Variants in CACNA1C observed in about 807,000 individuals in gnomAD.
The protein encoded by CACNA1C is calcium voltage-gated channel subunit alpha1 C.
Under a neutral mutation model 229.0 loss-of-function variants are expected in CACNA1C, and 30 were observed. The ratio of observed to expected loss-of-function variants is 0.13; its 90% CI spans 0.10 to 0.18. The LOEUF is 0.18. Ranked by LOEUF, CACNA1C falls within the 10% of genes least tolerant of loss-of-function variation. The pLI, the probability that CACNA1C is intolerant of heterozygous loss-of-function variation, is 1.00. For synonymous variants in CACNA1C, 1,114 were observed against 1,132.5 expected (o/e 0.98, Z 0.33); for missense variants, 1,658 against 2,845.0 (o/e 0.58, Z 9.49).
At chr12:1,979,558 C>T (rs545464921) in intron 1 of CACNA1C, among the ~76,000 whole-genome samples, 69 of 152,030 alleles carry the variant, frequency 4.5e-4, no homozygotes, top group South Asian at 6.3e-4. Flanking sequence ...GTGATCCGCC[C>T]GCCTCAGCCT....
rs945342730 is a variant in CACNA1C, at chr12:2,287,482, A to G, written c.478-161494A>G. 6.6e-6 allele frequency among the ~76,000 whole-genome samples: 1 copy of G among 152,206 alleles called. No individual in the cohort carries two copies. The highest frequency in any genetic ancestry group is 2.4e-5 in the African/African-American group (1 of 41,452). The stretch of plus-strand genomic sequence containing the variant: ...AGATCAGGGCCCGAAGAGCAGTTTC[A>G]GCCTGCGTGGTCTTGATGTGGTCTT... On this transcript the variant is annotated intron_variant, in intron 3 of 46. Transcript: ENST00000399655. This position sits in a 1 kb window ranked among gnomAD's most constrained non-coding sequence, Gnocchi z 4.6.
At chr12:2,140,462 G>A (rs1476690754) in intron 3 of CACNA1C, among the ~76,000 whole-genome samples, 1 of 151,354 alleles carries the variant, frequency 6.6e-6, no homozygotes, top group Non-Finnish European at 1.5e-5. Context: ...TAGGGATTCT[G>A]GCAAGGTGTG....
intron 1 of CACNA1C, among the ~76,000 whole-genome samples, chr12:2,062,836 C>G (rs2057992596): frequency 6.6e-6 from 1 of 152,216 alleles, no homozygotes; most frequent in African/African-American, 2.4e-5. Flanking sequence ...TAGACACTCT[C>G]CATTCTCAAA....
intron 3 of CACNA1C, among the ~76,000 whole-genome samples, chr12:2,244,149 G>C (rs961328258): frequency 2.6e-5 from 4 of 152,222 alleles, no homozygotes; most frequent in Non-Finnish European, 5.9e-5. Flanking sequence ...TCATCTATCT[G>C]TTTCAGGGCC....
chr12:2,198,682 G>A (rs2154313995), intron 3 of CACNA1C, among the ~76,000 whole-genome samples: 1 of 152,306 alleles, frequency 6.6e-6, no homozygotes, highest in East Asian at 1.9e-4. Flanking sequence ...AGCAGGCAGA[G>A]GTGGGAGGTG....
intron 1 of CACNA1C, among the ~76,000 whole-genome samples, chr12:1,996,234 A>G (rs1311917754): frequency 2.0e-5 from 3 of 152,056 alleles, no homozygotes; most frequent in Non-Finnish European, 4.4e-5. Flanking sequence ...CATTTTCTCT[A>G]TTACTCTCCT....
intron 9 of CACNA1C, among the ~76,000 whole-genome samples, chr12:2,528,709 G>A (rs2099833479): frequency 6.6e-6 from 1 of 152,228 alleles, no homozygotes; most frequent in African/African-American, 2.4e-5. Flanking sequence ...CCCAAAGATG[G>A]GGTTTTAGGG....
intron 3 of CACNA1C, among the ~76,000 whole-genome samples, chr12:2,363,442 G>T (rs147219690): frequency 6.6e-6 from 1 of 152,128 alleles, no homozygotes; most frequent in Admixed American, 6.5e-5. Context: ...TTACCAACCC[G>T]TACTCACAAA....
chr12:2,565,736 G>A lies in CACNA1C; in HGVS notation c.1509-686G>A, dbSNP rs12297972. ...TGTGTGGGCATGTGCCCATTTTTCT[G>A]AAAGGCAGATCTAAACATTCATCAG... On this transcript the variant is annotated intron_variant, in intron 11 of 46. Transcript: ENST00000399655. Among the ~76,000 whole-genome samples, 271 of 152,328 alleles carry A rather than the reference G, an allele frequency of 1.8e-3. 2 individuals carry two copies. The highest frequency in any genetic ancestry group is 5.9e-3 in the African/African-American group (246 of 41,564).
At position 2,501,189 on chromosome 12, in the gene CACNA1C, G is replaced by A. The variant is rs527640733; in HGVS notation, c.1114-3653G>A. Among the ~76,000 whole-genome samples, 348 of 117,328 alleles carry A rather than the reference G, an allele frequency of 3.0e-3. 1 individual carries two copies. The highest frequency in any genetic ancestry group is 3.8e-3 in the Non-Finnish European group (237 of 62,020). The allele number at this position is 117,328 out of a possible 152,430, so 77.0% of individuals were successfully genotyped here. A position where few individuals can be genotyped will look rare whatever the true frequency, so the allele number is the denominator to read the frequency against. The stretch of plus-strand genomic sequence containing the variant: ...ACGCCACTGCACCTCCAGCCTGGGC[G>A]ACAGAGTGAGACTCCACCTCAAAAA... On this transcript the variant is annotated intron_variant, in intron 7 of 46. Coordinates refer to ENST00000399655, the MANE Select transcript of CACNA1C (RefSeq NM_000719.7).
chr12:2,022,801 T>C (rs2046694801), intron 1 of CACNA1C, among the ~76,000 whole-genome samples: 1 of 152,176 alleles, frequency 6.6e-6, no homozygotes, highest in Non-Finnish European at 1.5e-5. Flanking sequence ...TATACCAATT[T>C]TGTAATACCC....
Position 2,067,112 on chromosome 12 carries a change from A to G in CACNA1C, c.49+13501A>G, listed in dbSNP as rs2059532914. Among the ~76,000 whole-genome samples, 1 of 152,100 alleles carries G rather than the reference A, an allele frequency of 6.6e-6. No individual in the cohort carries two copies. Among genetic ancestry groups the G allele is most frequent in the Admixed American group, 6.5e-5 (1 of 15,276 alleles). ...CCAGAAATGAATTTGGCAAAGTGAG[A>G]CAGCTGCTGACTAGGTCTGGGGGCA... is the stretch of plus-strand genomic sequence containing the variant. On this transcript the variant is annotated intron_variant, in intron 1 of 46. Transcript: ENST00000399655. The surrounding 1 kb of genome is among the most constrained non-coding windows in gnomAD (Gnocchi z 5.3).
At chr12:2,323,639 C>G (rs1308160776) in intron 3 of CACNA1C, among the ~76,000 whole-genome samples, 4 of 152,228 alleles carry the variant, frequency 2.6e-5, no homozygotes, top group Admixed American at 6.5e-5. Context: ...AGACCTGAGG[C>G]AGCTTCCATC....
intron 11 of CACNA1C, among the ~76,000 whole-genome samples, chr12:2,558,961 T>A (rs1292767255): frequency 6.6e-6 from 1 of 152,166 alleles, no homozygotes; most frequent in Non-Finnish European, 1.5e-5. Context: ...AAAATTTCTC[T>A]CTCTCAGTAA....
chr12:1,991,550 CTTT>C (rs891578089), intron 1 of CACNA1C: 2 of 225,852 alleles, frequency 8.9e-6, no homozygotes, highest in Admixed American at 5.6e-5. Flanking sequence ...AGGTTTTTTC[CTTT>C]TTTTTTTGCA....
chr12:2,036,077 G>T (rs530194594), intron 1 of CACNA1C, among the ~76,000 whole-genome samples: 39 of 152,316 alleles, frequency 2.6e-4, no homozygotes, highest in Admixed American at 5.2e-4. Flanking sequence ...GTTAGGGATG[G>T]TTCCCAAGGA....
intron 3 of CACNA1C, among the ~76,000 whole-genome samples, chr12:2,136,969 G>T (rs994442750): frequency 2.0e-5 from 3 of 151,374 alleles, no homozygotes; most frequent in Admixed American, 6.6e-5. Context: ...CTTGGGAGCT[G>T]CTGGGCCTGC....
At position 1,971,291 on chromosome 12, in the gene CACNA1C, C is replaced by A; in HGVS notation, c.139+90C>A. 1 of 718,604 alleles carries A rather than the reference C, an allele frequency of 1.4e-6. No homozygotes were observed. Among genetic ancestry groups the A allele is most frequent in the Non-Finnish European group, 2.0e-6 (1 of 491,890 alleles). 44.5% of individuals were successfully genotyped at this position (718,604 alleles called of 1,614,324 possible). The stretch of plus-strand genomic sequence containing the variant: ...AATGATACCTAGAATGTGACTTCCT[C>A]ACTCTAAGAACTCATCTCTCCATAT... On this transcript the variant is annotated intron_variant, in intron 1 of 46. Transcript: ENST00000682462. The surrounding 1 kb of genome is among the most constrained non-coding windows in gnomAD (Gnocchi z 4.2).
At chr12:2,312,523 C>CT (rs964073682) in intron 3 of CACNA1C, among the ~76,000 whole-genome samples, 6 of 152,188 alleles carry the variant, frequency 3.9e-5, no homozygotes, top group African/African-American at 1.4e-4. Flanking sequence ...TGAAAATACT[C>CT]TTTGTGTCCC....
Sources: gnomAD v4.1 joint callset for allele counts (sites outside exome capture counted in the v4.1 genomes callset) on GRCh38, gnomAD v4.1.1 for gene constraint, Gnocchi (gnomAD v3.1) non-coding constraint, MANE v1.5 for transcripts, NCBI Gene and HGNC (gene_info 2026-07-23, HGNC 2026-07-21) for gene names.